Variants in BCAS1 observed in about 807,000 individuals in gnomAD.
BCAS1 encodes the protein breast carcinoma-amplified sequence 1.
A neutral mutation model predicts 65.4 loss-of-function variants in BCAS1; 46 were observed. That is an observed-to-expected ratio of 0.70 (90% CI 0.55 to 0.90). BCAS1 has a LOEUF of 0.90. Ranked by LOEUF, BCAS1 falls within the 40% of genes least tolerant of loss-of-function variation. BCAS1 has a pLI of 0.00. For synonymous variants in BCAS1, 298 were observed against 293.5 expected (o/e 1.02, Z -0.16); for missense variants, 793 against 771.2 (o/e 1.03, Z -0.33).
intron 5 of BCAS1, 79 bp downstream of exon 5, chr20:53,995,813 T>C: frequency 7.1e-7 from 1 of 1,418,278 alleles, no homozygotes; most frequent in Non-Finnish European, 9.5e-7. Flanking sequence ...TACAATAACA[T>C]TCAAATGTGC....
intron 3 of BCAS1, among the ~76,000 whole-genome samples, chr20:54,031,872 A>C (rs374358217): frequency 5.3e-5 from 8 of 151,194 alleles, no homozygotes; most frequent in Admixed American, 1.3e-4. Flanking sequence ...GGGGTGTCTG[A>C]AAGAGATGGA....
intron 11 of BCAS1, among the ~76,000 whole-genome samples, chr20:53,955,787 G>GGGTATAAATAGAT (rs11467186): frequency 1.6e-4 from 24 of 151,978 alleles, no homozygotes; most frequent in African/African-American, 5.5e-4. Flanking sequence ...ACTCCTAGGT[G>GGGTATAAATAGAT]GGATGTTTCT....
intron 7 of BCAS1, among the ~76,000 whole-genome samples, chr20:53,987,983 G>A (rs2299725): frequency 0.033 from 5,066 of 152,250 alleles, 164 homozygotes; most frequent in South Asian, 0.17. Context: ...CATTTGCCCA[G>A]TGGTCCATTT....
rs544682254 is a variant in BCAS1 at position 54,037,132 on chromosome 20, G to A, written c.143-8160C>T. Among the ~76,000 whole-genome samples, 142 of 151,144 alleles carry A rather than the reference G, an allele frequency of 9.4e-4. 5 individuals are homozygous for A. Among genetic ancestry groups the A allele is most frequent in the Non-Finnish European group, 1.6e-3 (105 of 67,566 alleles). On this transcript the variant is annotated intron_variant, in intron 3 of 12. Coordinates refer to ENST00000688948, the MANE Select transcript of BCAS1 (RefSeq NM_001366298.2). ...GTCTATTTCCATACTGCTATAAAGA[G>A]CTGCCCAAGACTGGGTGATTTATAA...
intron 9 of BCAS1, among the ~76,000 whole-genome samples, chr20:53,967,637 T>A (rs1304779776): frequency 3.9e-5 from 6 of 152,254 alleles, no homozygotes; most frequent in African/African-American, 1.4e-4. Flanking sequence ...TTTCACTTAA[T>A]TGAAGTTTAT....
chr20:54,069,195 A>T (rs1213119489), intron 1 of BCAS1, among the ~76,000 whole-genome samples: 1 of 152,092 alleles, frequency 6.6e-6, no homozygotes, highest in African/African-American at 2.4e-5. Flanking sequence ...AGCTGCTGTG[A>T]TCAGCTCAGG....
chr20:53,975,288 C>T (rs2090299204), intron 9 of BCAS1, 101 bp downstream of exon 9: 2 of 972,138 alleles, frequency 2.1e-6, no homozygotes, highest in Admixed American at 1.9e-5. Context: ...ATCACACTGG[C>T]AGCATGCAAG....
chr20:54,063,120 A>G (rs928606332), intron 1 of BCAS1, among the ~76,000 whole-genome samples: 4 of 152,190 alleles, frequency 2.6e-5, no homozygotes, highest in Non-Finnish European at 5.9e-5. Context: ...AATGATAACC[A>G]TATATGACTT....
At chr20:54,001,907 A>G (rs66935272) in intron 4 of BCAS1, among the ~76,000 whole-genome samples, 25,344 of 152,114 alleles carry the variant, frequency 0.17, 2,380 homozygotes, top group East Asian at 0.28. Flanking sequence ...TAGGAAGCTA[A>G]TATTTTCTCG....
intron 12 of BCAS1, among the ~76,000 whole-genome samples, chr20:53,947,858 A>G (rs1414822033): frequency 1.3e-5 from 2 of 152,148 alleles, no homozygotes; most frequent in African/African-American, 4.8e-5. Flanking sequence ...GGCTAACTAA[A>G]TAATACTCAC....
At chr20:54,030,989 A>T (rs2091788009) in intron 3 of BCAS1, among the ~76,000 whole-genome samples, 1 of 151,464 alleles carries the variant, frequency 6.6e-6, no homozygotes, top group Non-Finnish European at 1.5e-5. Context: ...AATATAAATG[A>T]ATTGTGGGAA....
At chr20:54,045,079 G>A (rs2092075990) in intron 3 of BCAS1, among the ~76,000 whole-genome samples, 1 of 151,894 alleles carries the variant, frequency 6.6e-6, no homozygotes, top group African/African-American at 2.4e-5. Flanking sequence ...AGGTGTGGTG[G>A]TGTGTGCCTG....
At position 53,943,572 on chromosome 20, in the gene BCAS1, GA is replaced by G. The variant is rs1327966202; in HGVS notation, c.*1349del. 1 of 152,132 alleles carries G rather than the reference GA, an allele frequency of 6.6e-6. No homozygotes were observed. The highest frequency in any genetic ancestry group is 1.5e-5 in the Non-Finnish European group (1 of 68,006). 9.4% of individuals were successfully genotyped at this position (152,132 alleles called of 1,614,324 possible). A position where few individuals can be genotyped will look rare whatever the true frequency, so the allele number is the denominator to read the frequency against. ...AGTAAATGTATTTTTTATTAAATCA[GA>G]AAAAGAAAGATACAGTTTACATGAC... On this transcript the variant is annotated 3_prime_UTR_variant, in exon 13 of 13. Coordinates refer to ENST00000688948, the MANE Select transcript of BCAS1 (RefSeq NM_001366298.2).
rs777771344 is a variant in BCAS1, at chr20:53,944,923, T to C, written c.1889A>G (p.Ter630=). 1 of 1,614,018 alleles carries C rather than the reference T, an allele frequency of 6.2e-7. No individual in the cohort carries two copies. Among genetic ancestry groups the C allele is most frequent in the Non-Finnish European group, 8.5e-7 (1 of 1,179,920 alleles). The change falls in exon 13 of 13, where the codon TAA becomes TGA. Residue 630 remains the stop codon, a stop_retained_variant. Coordinates refer to ENST00000688948, the MANE Select transcript of BCAS1 (RefSeq NM_001366298.2). ...VSIGPVGKSK[*] Reference sequence around the variant, plus strand: ...CTGGTGGGAACCGTGCTGATTTGTTTACTTGGATTTGCCAACTGGTCCGAT... The same window carrying C: ...CTGGTGGGAACCGTGCTGATTTGTTCACTTGGATTTGCCAACTGGTCCGAT...
intron 6 of BCAS1, among the ~76,000 whole-genome samples, chr20:53,993,255 T>C (rs1022580383): frequency 4.6e-5 from 7 of 152,196 alleles, no homozygotes; most frequent in Non-Finnish European, 8.8e-5. Flanking sequence ...CGAAATAGCC[T>C]GGCTACAACC....
chr20:54,034,996 C>T (rs981579443), intron 3 of BCAS1, among the ~76,000 whole-genome samples: 2 of 151,372 alleles, frequency 1.3e-5, no homozygotes, highest in South Asian at 2.1e-4. Context: ...CTACAACTAT[C>T]TAATCTTTGA....
intron 4 of BCAS1, among the ~76,000 whole-genome samples, chr20:53,999,112 A>G (rs6022912): frequency 0.018 from 2,767 of 152,310 alleles, 66 homozygotes; most frequent in African/African-American, 0.047. Flanking sequence ...AAAATGTAAC[A>G]TCATATAAAT....
intron 10 of BCAS1, among the ~76,000 whole-genome samples, chr20:53,966,511 CTGCAT>C (rs1335699988): frequency 6.6e-6 from 1 of 152,130 alleles, no homozygotes; most frequent in Admixed American, 6.5e-5. Context: ...GGATAAAAGA[CTGCAT>C]ACTGGCTGTA....
intron 4 of BCAS1, among the ~76,000 whole-genome samples, chr20:54,008,297 C>A (rs535455753): frequency 6.6e-6 from 1 of 152,288 alleles, no homozygotes; most frequent in African/African-American, 2.4e-5. Flanking sequence ...GGTAATAAGC[C>A]CTCCCCACCA....
Sources: gnomAD v4.1 joint callset for allele counts (sites outside exome capture counted in the v4.1 genomes callset) on GRCh38, gnomAD v4.1.1 for gene constraint, MANE v1.5 for transcripts, NCBI Gene and HGNC (gene_info 2026-07-23, HGNC 2026-07-21) for gene names.